The following TTLL9 variants were observed in gnomAD, a reference collection of about 807,000 sequenced individuals.
TTLL9 encodes the protein tubulin tyrosine ligase like 9.
In TTLL9, 47 loss-of-function variants were observed where a neutral mutation model predicts 65.6. The ratio of observed to expected loss-of-function variants is 0.72; its 90% CI spans 0.57 to 0.91. The LOEUF (loss-of-function observed/expected upper bound fraction) is 0.91. TTLL9 is among the 40% of genes least tolerant of loss of function. The pLI is 0.00. For synonymous variants in TTLL9, 179 were observed against 204.8 expected, an observed-to-expected ratio of 0.87 and a Z score of 1.07; for missense variants, 537 against 568.8, an observed-to-expected ratio of 0.94 and a Z score of 0.57.
chr20:31,884,135 A>G (rs2063155398), intron 2 of TTLL9: 2 of 453,552 alleles, frequency 4.4e-6, no homozygotes, highest in Non-Finnish European at 4.0e-6. Flanking sequence ...ACTTCTATAT[A>G]TGTATCAGTT....
chr20:31,937,790 C>T (rs958102504), intron 13 of TTLL9, among the ~76,000 whole-genome samples: 1 of 111,474 alleles, frequency 9.0e-6, no homozygotes, highest in African/African-American at 3.9e-5. Context: ...CTGGACTAGT[C>T]ACATCACCTT....
At chr20:31,941,391 A>G (rs1600636797) in intron 14 of TTLL9, among the ~76,000 whole-genome samples, 2 of 152,262 alleles carry the variant, frequency 1.3e-5, no homozygotes, top group South Asian at 4.1e-4. Context: ...TTGAGTAGCA[A>G]AGATGGAAAG....
At chr20:31,881,381 A>G (rs1265908845) in intron 2 of TTLL9, among the ~76,000 whole-genome samples, 1 of 151,446 alleles carries the variant, frequency 6.6e-6, no homozygotes, top group Non-Finnish European at 1.5e-5. Context: ...TTGAATGACT[A>G]TTGAACTACC....
At chr20:31,922,774 C>T (rs888818648) in intron 7 of TTLL9, among the ~76,000 whole-genome samples, 189 bp from the exon 8 acceptor site, 1 of 152,182 alleles carries the variant, frequency 6.6e-6, no homozygotes, top group Admixed American at 6.5e-5. Context: ...GCTGTGTGAC[C>T]TTGGACAAGT....
Position 31,939,147 on chromosome 20 carries a change from CGGGAAGGGAGAAGCGAGTCGGGG to C in TTLL9, c.1126_1148del (p.Gly376LeufsTer2). The C allele has an allele frequency of 1.3e-6, 2 of 1,583,590 alleles. No individual in the cohort carries two copies. The highest frequency in any genetic ancestry group is 1.7e-6 in the Non-Finnish European group (2 of 1,164,918). On this transcript the variant is annotated frameshift_variant, in exon 14 of 15. Transcript: ENST00000535842. LOFTEE classifies it high-confidence loss of function. ...TGGGCCTCCTTCCTGTCCAGGCTCA[CGGGAAGGGAGAAGCGAGTCGGGG>C]GCTTTGACCTCATGTGGAATGATGG...
intron 2 of TTLL9, among the ~76,000 whole-genome samples, chr20:31,884,484 C>A (rs2063160954): frequency 6.6e-6 from 1 of 152,182 alleles, no homozygotes; most frequent in Non-Finnish European, 1.5e-5. Context: ...GCTTCGGCCT[C>A]CCAAAGTGCT....
chr20:31,931,266 G>A (rs2064004854), intron 10 of TTLL9, among the ~76,000 whole-genome samples: 1 of 151,412 alleles, frequency 6.6e-6, no homozygotes, highest in Non-Finnish European at 1.5e-5. Flanking sequence ...TTTTTATAGA[G>A]ACTGGTCTCA....
intron 2 of TTLL9, among the ~76,000 whole-genome samples, chr20:31,872,645 C>T (rs1355018163): frequency 1.3e-5 from 2 of 152,036 alleles, no homozygotes; most frequent in African/African-American, 2.4e-5. Flanking sequence ...GAGCCATGAG[C>T]GCACCACTGC....
chr20:31,896,355 A>G (rs772145970), intron 3 of TTLL9, among the ~76,000 whole-genome samples: 10 of 152,184 alleles, frequency 6.6e-5, no homozygotes, highest in Non-Finnish European at 1.0e-4. Flanking sequence ...CACTAATTAT[A>G]ATGTTAGCTC....
chr20:31,922,984 C>T lies in TTLL9; in HGVS notation c.595C>T (p.Gln199Ter), dbSNP rs759726231. The T allele has an allele frequency of 6.8e-5, 109 of 1,613,802 alleles. 1 individual carries two copies. The highest frequency in any genetic ancestry group is 9.2e-5 in the Non-Finnish European group (108 of 1,179,838). Residue 199 changes from glutamine (Q) to a stop codon, truncating the protein, a stop_gained, in exon 8 of 15, where the codon CAG becomes TAG. Transcript: ENST00000535842. LOFTEE classifies it high-confidence loss of function. Reference protein sequence around the residue: ...WRKDTRSSDDQKDDIPVENYV... With the variant: ...WRKDTRSSDD ...CTAGGACACAAGAAGCTCTGACGAC[C>T]AGAAAGATGATATTCCCGTGGAGAA... is the stretch of plus-strand genomic sequence containing the variant.
Position 31,908,581 on chromosome 20 carries a change from C to T in TTLL9, c.207-10C>T. 1.2e-6 allele frequency: 2 copies of T among 1,608,036 alleles called. No individual in the cohort carries two copies. The highest frequency in any genetic ancestry group is 1.1e-5 in the South Asian group (1 of 90,950). Reference sequence around the variant, plus strand: ...CATGACCTTTATCCCCGCCCCCACCCCACCCCCAGCGAAGGGGAGTGGGAT... The same window carrying T: ...CATGACCTTTATCCCCGCCCCCACCTCACCCCCAGCGAAGGGGAGTGGGAT... On this transcript the variant is annotated splice_polypyrimidine_tract_variant and intron_variant, in intron 4 of 14. Transcript: ENST00000535842.
chr20:31,924,523 A>G (rs2063863729), intron 8 of TTLL9, among the ~76,000 whole-genome samples: 1 of 151,118 alleles, frequency 6.6e-6, no homozygotes, highest in African/African-American at 2.4e-5. Flanking sequence ...CTTTCCCCCA[A>G]GTTGACCCCC....
intron 5 of TTLL9, among the ~76,000 whole-genome samples, chr20:31,909,003 G>A (rs546472435): frequency 6.6e-6 from 1 of 152,122 alleles, no homozygotes; most frequent in African/African-American, 2.4e-5. Context: ...TGATTTCAGG[G>A]TGGAGGCAAG....
At chr20:31,933,951 C>A in intron 11 of TTLL9, 93 bp downstream of exon 11, 1 of 1,316,168 alleles carries the variant, frequency 7.6e-7, no homozygotes, top group Non-Finnish European at 1.0e-6. Flanking sequence ...CAGGACAGGC[C>A]TGTCTGAGCC....
At chr20:31,913,834 C>T (rs911730838) in intron 6 of TTLL9, among the ~76,000 whole-genome samples, 2 of 152,234 alleles carry the variant, frequency 1.3e-5, no homozygotes, top group African/African-American at 4.8e-5. Flanking sequence ...TTCTCCCCTG[C>T]CAGCAGTTCA....
intron 3 of TTLL9, among the ~76,000 whole-genome samples, chr20:31,890,094 T>TTCCC (rs1185924591): frequency 0.01 from 1,090 of 104,494 alleles, 73 homozygotes; most frequent in African/African-American, 0.016. Context: ...CTTGCTTTCT[T>TTCCC]TCCCTCCCTT....
Position 31,937,452 on chromosome 20 carries a change from A to G in TTLL9, c.1061A>G (p.Tyr354Cys). Reference sequence around the variant, plus strand: ...CTGACAGCCAGCAGCCAGGAAGACTATGAGCTCAAGACCTGCCTCCTGGAA... The same window carrying G: ...CTGACAGCCAGCAGCCAGGAAGACTGTGAGCTCAAGACCTGCCTCCTGGAA... Reference protein sequence around the residue: ...PSLTASSQEDYELKTCLLEDT... With the variant: ...PSLTASSQEDCELKTCLLEDT... Residue 354 changes from tyrosine to cysteine, a missense_variant, in exon 13 of 15, where the codon TAT becomes TGT. Tyr to Cys is a radical substitution (Grantham distance 194). Transcript: ENST00000535842. 1 of 1,613,870 alleles carries G rather than the reference A, an allele frequency of 6.2e-7. No individual in the cohort carries two copies. Among genetic ancestry groups the G allele is most frequent in the South Asian group, 1.1e-5 (1 of 91,082 alleles).
intron 6 of TTLL9, among the ~76,000 whole-genome samples, chr20:31,911,520 G>A (rs529290152): frequency 1.3e-5 from 2 of 152,340 alleles, no homozygotes; most frequent in Admixed American, 6.5e-5. Context: ...ACGAAGCCAA[G>A]GTGTACCCAG....
intron 6 of TTLL9, among the ~76,000 whole-genome samples, chr20:31,910,187 T>C (rs940431254): frequency 1.3e-5 from 2 of 152,238 alleles, no homozygotes; most frequent in African/African-American, 4.8e-5. Flanking sequence ...CTTCCTGACA[T>C]GCCAAGTGCT....
Sources: allele counts gnomAD v4.1 joint callset (sites outside exome capture counted in the v4.1 genomes callset), GRCh38; gene constraint gnomAD v4.1.1; transcripts MANE v1.5; gene names NCBI Gene and HGNC (gene_info 2026-07-23, HGNC 2026-07-21).